HK1: variants seen among roughly 807,000 people sequenced by gnomAD.
HK1 encodes the protein hexokinase-1.
Under a neutral mutation model 91.6 loss-of-function variants are expected in HK1, and 28 were observed. The ratio of observed to expected loss-of-function variants is 0.31; its 90% CI spans 0.23 to 0.42. The LOEUF (loss-of-function observed/expected upper bound fraction) is 0.42. Among genes scored for constraint, HK1 ranks in the 10% least tolerant of loss-of-function variants. The pLI, the probability that HK1 is intolerant of heterozygous loss-of-function variation, is 1.00. For missense variants in HK1, 770 were observed against 1,219.8 expected (o/e 0.63, Z 5.49); for synonymous variants, 430 against 468.1 (o/e 0.92, Z 1.05).
At chr10:69,320,313 GT>G (rs1846933643) in intron 1 of HK1, among the ~76,000 whole-genome samples, 1 of 152,132 alleles carries the variant, frequency 6.6e-6, no homozygotes, top group South Asian at 2.1e-4. Flanking sequence ...GGACCCTGCC[GT>G]GATCTTGGAT....
intron 7 of HK1, among the ~76,000 whole-genome samples, chr10:69,371,850 T>C (rs1850021739): frequency 6.6e-6 from 1 of 152,112 alleles, no homozygotes; most frequent in Admixed American, 6.6e-5. Flanking sequence ...TGATGATGGA[T>C]GAGAGATGAG....
chr10:69,291,637 C>T (rs1845299193), intron 3 of HK1, among the ~76,000 whole-genome samples: 1 of 152,184 alleles, frequency 6.6e-6, no homozygotes, highest in Non-Finnish European at 1.5e-5. Flanking sequence ...TCTTTCTACC[C>T]ACCATCAAGC....
At chr10:69,378,902 TAAAC>T (rs911860992) in intron 8 of HK1, among the ~76,000 whole-genome samples, 17 of 152,348 alleles carry the variant, frequency 1.1e-4, no homozygotes, top group Admixed American at 9.8e-4. Context: ...AGAATTAAGA[TAAAC>T]AAAATTGATT....
chr10:69,316,225 G>T (rs937933410), upstream of HK1, among the ~76,000 whole-genome samples: 2 of 151,908 alleles, frequency 1.3e-5, no homozygotes, highest in African/African-American at 2.4e-5. Context: ...GAGTGGAGTC[G>T]ATTACAGAAG....
Position 69,392,324 on chromosome 10 carries a change from G to A in HK1, c.2219+16G>A. 6.2e-7 allele frequency: 1 copy of A among 1,614,094 alleles called. No homozygotes were observed. The highest frequency in any genetic ancestry group is 8.5e-7 in the Non-Finnish European group (1 of 1,179,944). On this transcript the variant is annotated intron_variant, in intron 15 of 17. Coordinates refer to ENST00000359426, the MANE Select transcript of HK1 (RefSeq NM_000188.3). The stretch of plus-strand genomic sequence containing the variant: ...GGAAACAAAGGTAACCCCGCCTGGT[G>A]GAGAGGACACTCACAGTCAGGGTGG...
rs1839311376 is a variant in HK1 at position 69,380,054 on chromosome 10, C to T, written c.1224C>T (p.Thr408=). 2 of 1,613,980 alleles carry T rather than the reference C, an allele frequency of 1.2e-6. No individual in the cohort carries two copies. Among genetic ancestry groups the T allele is most frequent in the Non-Finnish European group, 1.7e-6 (2 of 1,179,960 alleles). Residue 408 remains threonine, a synonymous_variant, in exon 9 of 18, where the codon ACC becomes ACT. Transcript: ENST00000359426. The surrounding 1 kb of genome is among the most constrained non-coding windows in gnomAD (Gnocchi z 4.0). ...RDNKGTPRLR[T]TVGVDGSLYK... is the part of the protein sequence containing the mutation. ...ACAAGGGCACACCCAGGCTGCGGACCACGGTTGGTGTCGACGGATCTCTTT... is the reference window on the plus strand; with the variant it reads ...ACAAGGGCACACCCAGGCTGCGGACTACGGTTGGTGTCGACGGATCTCTTT...
At chr10:69,314,405 T>C (rs1408412628), upstream of HK1, among the ~76,000 whole-genome samples, 2 of 152,210 alleles carry the variant, frequency 1.3e-5, no homozygotes, top group Non-Finnish European at 2.9e-5. Context: ...TGGAAACCAC[T>C]GATCCAACTA....
rs141144382 is a variant in HK1 at position 69,354,001 on chromosome 10, C to T, written c.227-5896C>T. ...GGGAGGGCAGCCTCGTGTGAACGAG[C>T]CCTCGACCTGTGGGATATGATGCTA... On this transcript the variant is annotated intron_variant, in intron 2 of 17. Coordinates refer to ENST00000359426, the MANE Select transcript of HK1 (RefSeq NM_000188.3). Among the ~76,000 whole-genome samples, 226 of 152,266 alleles carry T rather than the reference C, an allele frequency of 1.5e-3. 1 individual carries two copies. The highest frequency in any genetic ancestry group is 5.0e-3 in the African/African-American group (209 of 41,550).
chr10:69,397,346 TG>T (rs1840188677), intron 16 of HK1, among the ~76,000 whole-genome samples: 1 of 151,952 alleles, frequency 6.6e-6, no homozygotes, highest in Non-Finnish European at 1.5e-5. Context: ...GCCATCCTAA[TG>T]GGTATGAAGT....
rs1424032201 is a variant in HK1 at position 69,401,085 on chromosome 10, G to A, written c.2704G>A (p.Ala902Thr). ...LSEDGSGKGAALITAVGVRLR... is the reference protein window; with the variant it reads ...LSEDGSGKGATLITAVGVRLR... The stretch of plus-strand genomic sequence containing the variant: ...TGAGGATGGCAGCGGCAAGGGGGCC[G>A]CCCTCATCACGGCCGTGGGCGTGCG... The change falls in exon 18 of 18, where the codon GCC (alanine) becomes ACC (threonine). Residue 902 changes from alanine to threonine, a missense_variant. This residue lies in a region of HK1 where 3 missense variants were observed against 20.7 expected (regional missense o/e 0.15). Transcript: ENST00000359426. 27 of 1,614,002 alleles carry A rather than the reference G, an allele frequency of 1.7e-5. No individual in the cohort carries two copies. The highest frequency in any genetic ancestry group is 2.0e-5 in the Non-Finnish European group (24 of 1,180,050).
intron 7 of HK1, among the ~76,000 whole-genome samples, chr10:69,375,121 C>T (rs1470044153): frequency 3.3e-5 from 5 of 152,100 alleles, no homozygotes; most frequent in Non-Finnish European, 5.9e-5. Context: ...TTTCCTCATC[C>T]GTGAAATGGG....
chr10:69,359,085 A>G (rs1849288264), intron 2 of HK1, among the ~76,000 whole-genome samples: 1 of 152,098 alleles, frequency 6.6e-6, no homozygotes, highest in South Asian at 2.1e-4. Flanking sequence ...TTCTGAAAAT[A>G]TGGATGAACC....
chr10:69,293,437 C>T (rs1464507579), intron 3 of HK1, among the ~76,000 whole-genome samples: 2 of 152,226 alleles, frequency 1.3e-5, no homozygotes, highest in South Asian at 2.1e-4. Flanking sequence ...AGGAAGATAT[C>T]TCCAAGATAT....
At position 69,326,266 on chromosome 10, in the gene HK1, CAT is replaced by C. The variant is rs1289793499; in HGVS notation, c.63+7259_63+7260del. On this transcript the variant is annotated intron_variant, in intron 1 of 17. Coordinates refer to ENST00000359426, the MANE Select transcript of HK1 (RefSeq NM_000188.3). ...ATGTTTCTGCACACAACTATACTAA[CAT>C]ATGTGTAGGTGTGTGTATGCTTTCA... Among the ~76,000 whole-genome samples, 6 of 151,944 alleles carry C rather than the reference CAT, an allele frequency of 3.9e-5. No individual in the cohort carries two copies. The South Asian group carries it at 6.3e-4, about 16-fold the overall frequency.
chr10:69,338,824 A>G, intron 1 of HK1: 1 of 707,136 alleles, frequency 1.4e-6, no homozygotes, highest in Non-Finnish European at 2.0e-6. Flanking sequence ...GAAGGAGGAG[A>G]GTAAAGATCT....
chr10:69,386,172 T>C (rs1377910407), intron 12 of HK1, 151 bp from the exon 13 acceptor site: 2 of 695,180 alleles, frequency 2.9e-6, no homozygotes, highest in Non-Finnish European at 5.3e-6. Flanking sequence ...GGTCTATTCA[T>C]ATTTTATTGG....
intron 1 of HK1, among the ~76,000 whole-genome samples, chr10:69,319,481 G>T (rs1358725480): frequency 1.3e-5 from 2 of 152,244 alleles, no homozygotes; most frequent in Non-Finnish European, 2.9e-5. Context: ...GTGCCCCGGA[G>T]AAGCTGTCGC....
At chr10:69,361,910 C>G (rs766819080) in intron 3 of HK1, among the ~76,000 whole-genome samples, 1 of 152,086 alleles carries the variant, frequency 6.6e-6, no homozygotes, top group African/African-American at 2.4e-5. Context: ...CTCCGCCTCC[C>G]GGGTTCAAGT....
intron 12 of HK1, 31 bp from the exon 13 acceptor site, chr10:69,386,292 C>G (rs180879782): frequency 6.4e-7 from 1 of 1,574,142 alleles, no homozygotes; most frequent in African/African-American, 1.3e-5. Context: ...GTTAATTACA[C>G]AGGACTCTCC....
Sources: allele counts gnomAD v4.1 joint callset (sites outside exome capture counted in the v4.1 genomes callset), GRCh38; gene constraint gnomAD v4.1.1; regional missense constraint gnomAD v4.1.1; non-coding constraint Gnocchi (gnomAD v3.1); transcripts MANE v1.5; gene names NCBI Gene and HGNC (gene_info 2026-07-23, HGNC 2026-07-21).